TCP11: variants seen among roughly 807,000 people sequenced by gnomAD.
TCP11 encodes t-complex 11.
TCP11 carries 34 observed loss-of-function variants against 45.0 expected under a neutral mutation model. That is an observed-to-expected ratio of 0.76 (90% CI 0.57 to 1.01). TCP11 has a LOEUF of 1.01. TCP11 is among the 50% of genes least tolerant of loss of function. The pLI is 0.00. For missense variants in TCP11, 523 were observed against 598.1 expected (o/e 0.87, Z 1.31); for synonymous variants, 227 against 227.0 (o/e 1.00, Z 0.00).
intron 4 of TCP11, among the ~76,000 whole-genome samples, chr6:35,125,305 G>T (rs1481719732): frequency 6.6e-6 from 1 of 152,010 alleles, no homozygotes; most frequent in Non-Finnish European, 1.5e-5. Flanking sequence ...GGCAGGATTT[G>T]ACACCAAAAG....
rs574441776 is a variant in TCP11, at chr6:35,135,007, C to T, written c.236+1100G>A. On this transcript the variant is annotated intron_variant, in intron 3 of 9. Transcript: ENST00000311875. ...CACTAAAAATACAAAATTAGCTAGG[C>T]GTGGTGGTGCATGCCTGTAATCCCA... Among the ~76,000 whole-genome samples the T allele has an allele frequency of 1.1e-4, 16 of 152,120 alleles. No homozygotes were observed. In the South Asian group the frequency reaches 2.9e-3, roughly 28 times the overall value.
At chr6:35,121,448 T>C (rs2127642707) in intron 5 of TCP11, among the ~76,000 whole-genome samples, 1 of 150,580 alleles carries the variant, frequency 6.6e-6, no homozygotes, top group African/African-American at 2.5e-5. Flanking sequence ...GTTCCTAGAG[T>C]TGTGAAATAC....
At chr6:35,131,849 G>A (rs1275504060) in intron 3 of TCP11, among the ~76,000 whole-genome samples, 3 of 152,050 alleles carry the variant, frequency 2.0e-5, no homozygotes, top group Admixed American at 1.3e-4. Context: ...TGATCCACTC[G>A]CCTCGGCCTC....
chr6:35,120,843 T>C lies in TCP11; in HGVS notation c.715+66A>G, dbSNP rs1311139657. On this transcript the variant is annotated intron_variant, in intron 6 of 9. Transcript: ENST00000311875. This position sits in a 1 kb window ranked among gnomAD's most constrained non-coding sequence, Gnocchi z 4.9. ...TCCTAAAAAGAGATAGAGTACTCTCTAACATTATAAAAGTCAGACCCAAGG... is the reference window on the plus strand; with the variant it reads ...TCCTAAAAAGAGATAGAGTACTCTCCAACATTATAAAAGTCAGACCCAAGG... The C allele has an allele frequency of 3.2e-5, 50 of 1,543,812 alleles. No homozygotes were observed. Among genetic ancestry groups the C allele is most frequent in the Non-Finnish European group, 4.2e-5 (48 of 1,141,656 alleles).
intron 3 of TCP11, among the ~76,000 whole-genome samples, chr6:35,129,581 G>A (rs142334617): frequency 6.6e-6 from 1 of 152,126 alleles, no homozygotes; most frequent in African/African-American, 2.4e-5. Flanking sequence ...AAAGGATATT[G>A]CTTCTTTGAA....
intron 4 of TCP11, among the ~76,000 whole-genome samples, chr6:35,125,863 T>C (rs976094900): frequency 5.3e-5 from 8 of 152,230 alleles, no homozygotes; most frequent in Non-Finnish European, 1.2e-4. Flanking sequence ...TGCTACAATA[T>C]GGATGGACCT....
chr6:35,121,749 G>T (rs899703649), intron 5 of TCP11, among the ~76,000 whole-genome samples: 2 of 150,856 alleles, frequency 1.3e-5, no homozygotes, highest in African/African-American at 4.9e-5. Context: ...GGAGGCACAG[G>T]TTGCAGTGAG....
At chr6:35,129,246 T>C (rs1368611697) in intron 3 of TCP11, 64 bp from the exon 4 acceptor site, 1 of 1,540,202 alleles carries the variant, frequency 6.5e-7, no homozygotes, top group Non-Finnish European at 8.7e-7. Flanking sequence ...TGTCATAACC[T>C]CCTAAACCCC....
chr6:35,140,914 C>G (rs1228148099), intron 1 of TCP11, 30 bp from the exon 2 acceptor site: 6 of 1,409,842 alleles, frequency 4.3e-6, no homozygotes, highest in South Asian at 1.5e-5. Context: ...GTGTTGTTGG[C>G]GTCGGGGAAG....
intron 4 of TCP11, among the ~76,000 whole-genome samples, chr6:35,125,994 G>A (rs1779781506): frequency 6.6e-6 from 1 of 152,134 alleles, no homozygotes; most frequent in Admixed American, 6.6e-5. Context: ...TAGTGGGAGA[G>A]GGGAAAGGGA....
Position 35,141,265 on chromosome 6 carries a change from CGGCCTGG to C in TCP11, c.-82_-76del. ...CCGCTCGGTGGGCCTCGCGGCCTGG[CGGCCTGG>C]AGCGTACCACCGCGGCGGAGCGGCG... On this transcript the variant is annotated 5_prime_UTR_variant, in exon 1 of 10. Coordinates refer to ENST00000311875, the MANE Select transcript of TCP11 (RefSeq NM_001370687.1). 1.4e-6 allele frequency: 1 copy of C among 723,560 alleles called. No homozygotes were observed. Among genetic ancestry groups the C allele is most frequent in the Non-Finnish European group, 1.9e-6 (1 of 516,734 alleles). 44.8% of individuals were successfully genotyped at this position (723,560 alleles called of 1,614,324 possible). A position where few individuals can be genotyped will look rare whatever the true frequency, so the allele number is the denominator to read the frequency against.
Position 35,133,769 on chromosome 6 carries a change from C to T in TCP11, c.236+2338G>A, listed in dbSNP as rs558696900. Reference sequence around the variant, plus strand: ...CGCGCCACTGCACACCCCAGCTTGGCGACAAAGCGAGATTTCATCTCAGAA... The same window carrying T: ...CGCGCCACTGCACACCCCAGCTTGGTGACAAAGCGAGATTTCATCTCAGAA... On this transcript the variant is annotated intron_variant, in intron 3 of 9. Transcript: ENST00000311875. Among the ~76,000 whole-genome samples, 673 of 150,754 alleles carry T rather than the reference C, an allele frequency of 4.5e-3. 6 individuals are homozygous for T. The highest frequency in any genetic ancestry group is 0.027 in the Middle Eastern group (8 of 292).
rs76994339 is a variant in TCP11 at position 35,139,518 on chromosome 6, G to A, written c.124+1229C>T. ...AGCCTCTCTGAAGTCTTTAGTTTCAGCCAAAATGGCAAAACACAATCAAAT... is the reference window on the plus strand; with the variant it reads ...AGCCTCTCTGAAGTCTTTAGTTTCAACCAAAATGGCAAAACACAATCAAAT... On this transcript the variant is annotated intron_variant, in intron 2 of 9. Coordinates refer to ENST00000311875, the MANE Select transcript of TCP11 (RefSeq NM_001370687.1). Among the ~76,000 whole-genome samples, 69 of 152,282 alleles carry A rather than the reference G, an allele frequency of 4.5e-4. No individual in the cohort carries two copies. The East Asian group carries it at 0.012, about 27-fold the overall frequency.
chr6:35,140,366 T>C (rs1781590453), intron 2 of TCP11: 1 of 596,532 alleles, frequency 1.7e-6, no homozygotes, highest in African/African-American at 1.9e-5. Flanking sequence ...AGGACACTAC[T>C]ATTTCTTGAG....
chr6:35,130,565 GAGGATGTTC>G (rs1213836223), intron 3 of TCP11, among the ~76,000 whole-genome samples: 1 of 152,014 alleles, frequency 6.6e-6, no homozygotes, highest in Admixed American at 6.6e-5. Flanking sequence ...TCTCACCAAA[GAGGATGTTC>G]AGATGGCAAA....
intron 3 of TCP11, among the ~76,000 whole-genome samples, chr6:35,129,991 C>T (rs1013938997): frequency 1.1e-4 from 17 of 151,932 alleles, no homozygotes; most frequent in African/African-American, 3.6e-4. Flanking sequence ...CTATGTTGCT[C>T]GGGCTGGTCT....
chr6:35,141,183 C>A, intron 1 of TCP11, 22 bp downstream of exon 1: 1 of 1,378,638 alleles, frequency 7.3e-7, no homozygotes, highest in Non-Finnish European at 9.4e-7. Flanking sequence ...CCCAGGCCCG[C>A]CTCCGGCTCC....
chr6:35,125,183 CAAAA>C (rs35594738), intron 4 of TCP11, among the ~76,000 whole-genome samples: 3 of 71,040 alleles, frequency 4.2e-5, no homozygotes, highest in Non-Finnish European at 5.5e-5. Flanking sequence ...GACTCTGTCT[CAAAA>C]AAAAAAAAAA....
rs1581799594 is a variant in TCP11 at position 35,120,722 on chromosome 6, A to G, written c.716-76T>C. On this transcript the variant is annotated intron_variant, in intron 6 of 9. Transcript: ENST00000311875. This position sits in a 1 kb window ranked among gnomAD's most constrained non-coding sequence, Gnocchi z 4.9. ...GGCTTCAAGACCAAGGTTCTTTTCAAGTATACTCCTGGTCAATAAATAAAT... is the reference window on the plus strand; with the variant it reads ...GGCTTCAAGACCAAGGTTCTTTTCAGGTATACTCCTGGTCAATAAATAAAT... 2 of 1,463,302 alleles carry G rather than the reference A, an allele frequency of 1.4e-6. No homozygotes were observed. Among genetic ancestry groups the G allele is most frequent in the East Asian group, 2.3e-5 (1 of 43,836 alleles). The allele number at this position is 1,463,302 out of a possible 1,614,324, so 90.6% of individuals were successfully genotyped here. A position where few individuals can be genotyped will look rare whatever the true frequency, so the allele number is the denominator to read the frequency against.
Sources: allele counts gnomAD v4.1 joint callset (sites outside exome capture counted in the v4.1 genomes callset), GRCh38; gene constraint gnomAD v4.1.1; non-coding constraint Gnocchi (gnomAD v3.1); transcripts MANE v1.5; gene names NCBI Gene and HGNC (gene_info 2026-07-23, HGNC 2026-07-21).